The following DLC1 variants were observed in gnomAD, a reference collection of about 807,000 sequenced individuals.
The protein encoded by DLC1 is DLC1 Rho GTPase activating protein.
A neutral mutation model predicts 140.3 loss-of-function variants in DLC1; 54 were observed. That is an observed-to-expected ratio of 0.38 (90% CI 0.31 to 0.48). The LOEUF (loss-of-function observed/expected upper bound fraction) is 0.48, where lower values mean the gene tolerates loss of function less well. Among genes scored for constraint, DLC1 ranks in the 20% least tolerant of loss-of-function variants. The pLI, the probability that DLC1 is intolerant of heterozygous loss-of-function variation, is 0.96. For synonymous variants in DLC1, 986 were observed against 728.1 expected (o/e 1.35, Z -5.70); for missense variants, 2,536 against 1,907.0 (o/e 1.33, Z -6.14).
intron 2 of DLC1, among the ~76,000 whole-genome samples, chr8:13,404,371 T>C (rs1837430713): frequency 6.6e-6 from 1 of 152,124 alleles, no homozygotes; most frequent in African/African-American, 2.4e-5. Flanking sequence ...ATGTGCATAA[T>C]TGGCCCGTTC....
chr8:13,568,099 G>C (rs1260876824), intron 1 of DLC1: 2 of 839,170 alleles, frequency 2.4e-6, no homozygotes, highest in South Asian at 2.2e-5. Context: ...AGAAGGCACT[G>C]TTGTAGTTGG....
intron 5 of DLC1, among the ~76,000 whole-genome samples, chr8:13,132,205 CTGTGTGTGTGTGTGTGTGTGTG>C (rs147699066): frequency 7.2e-6 from 1 of 139,114 alleles, no homozygotes; most frequent in African/African-American, 2.8e-5. Flanking sequence ...AAAACCAAAA[CTGTGTGTGTGTGTGTGTGTGTG>C]TGTGTGTGTG....
At position 13,312,386 on chromosome 8, in the gene DLC1, A is replaced by ATAATAATAAT. The variant is rs746830060; in HGVS notation, c.1315-7085_1315-7084insATTATTATTA. ...AAAAAAAAAAAAAAAAAAAAAAAAA[A>ATAATAATAAT]AATAATTTCTTTAGCAAGCTAGATA... On this transcript the variant is annotated intron_variant, in intron 4 of 17. Transcript: ENST00000276297. Among the ~76,000 whole-genome samples, 161 of 81,702 alleles carry ATAATAATAAT rather than the reference A, an allele frequency of 2.0e-3. 11 individuals are homozygous for ATAATAATAAT. The highest frequency in any genetic ancestry group is 6.8e-3 in the African/African-American group (153 of 22,408). 53.6% of individuals were successfully genotyped at this position (81,702 alleles called of 152,430 possible). A position where few individuals can be genotyped will look rare whatever the true frequency, so the allele number is the denominator to read the frequency against.
intron 2 of DLC1, among the ~76,000 whole-genome samples, chr8:13,404,992 A>G (rs1398648053): frequency 6.6e-6 from 1 of 151,784 alleles, no homozygotes; most frequent in African/African-American, 2.4e-5. Flanking sequence ...GGGCAATGAG[A>G]GTGAAACTCC....
At chr8:13,424,610 T>C (rs1025215684) in intron 2 of DLC1, among the ~76,000 whole-genome samples, 1 of 152,134 alleles carries the variant, frequency 6.6e-6, no homozygotes, top group Non-Finnish European at 1.5e-5. Flanking sequence ...TCTGGCTCTG[T>C]CGTCCAGGCT....
At chr8:13,354,176 G>T (rs1203304246) in intron 4 of DLC1, among the ~76,000 whole-genome samples, 3 of 151,946 alleles carry the variant, frequency 2.0e-5, no homozygotes, top group African/African-American at 7.3e-5. Context: ...TAGTTGCTAA[G>T]ATCTTACATA....
intron 1 of DLC1, among the ~76,000 whole-genome samples, chr8:13,589,909 C>G (rs1295095552): frequency 6.6e-6 from 1 of 151,540 alleles, no homozygotes; most frequent in Non-Finnish European, 1.5e-5. Flanking sequence ...GGCAAAGAAA[C>G]TGCACCAAAT....
chr8:13,164,308 AT>A (rs946514063), intron 5 of DLC1, among the ~76,000 whole-genome samples: 1 of 145,536 alleles, frequency 6.9e-6, no homozygotes, highest in Non-Finnish European at 1.5e-5. Context: ...AAAAAAAAAA[AT>A]CTCTATATCT....
At chr8:13,291,193 G>T (rs537848614) in intron 5 of DLC1, among the ~76,000 whole-genome samples, 1 of 152,322 alleles carries the variant, frequency 6.6e-6, no homozygotes, top group East Asian at 1.9e-4. Flanking sequence ...ACAGGCATGA[G>T]CCACTGCGCC....
At chr8:13,239,318 T>C (rs1829443419) in intron 5 of DLC1, among the ~76,000 whole-genome samples, 1 of 152,054 alleles carries the variant, frequency 6.6e-6, no homozygotes, top group Non-Finnish European at 1.5e-5. Flanking sequence ...ACTGGGATGC[T>C]GTGTAGGTCA....
At chr8:13,573,639 A>T (rs1804742350) in intron 1 of DLC1, among the ~76,000 whole-genome samples, 2 of 152,080 alleles carry the variant, frequency 1.3e-5, no homozygotes, top group Admixed American at 6.6e-5. Flanking sequence ...TTCTTAGTTT[A>T]TTGAATGTTT....
intron 4 of DLC1, among the ~76,000 whole-genome samples, chr8:13,347,074 G>A (rs924640058): frequency 2.0e-5 from 3 of 152,142 alleles, no homozygotes; most frequent in Non-Finnish European, 4.4e-5. Flanking sequence ...TTTATCATAT[G>A]ATGTATGTAT....
chr8:13,188,492 T>C (rs1331999608), intron 5 of DLC1, among the ~76,000 whole-genome samples: 1 of 149,046 alleles, frequency 6.7e-6, no homozygotes, highest in Non-Finnish European at 1.5e-5. Flanking sequence ...TTTTGGGAGT[T>C]GAGAGGGACT....
At chr8:13,266,774 A>G (rs1306578561) in intron 5 of DLC1, among the ~76,000 whole-genome samples, 2 of 152,128 alleles carry the variant, frequency 1.3e-5, no homozygotes, top group African/African-American at 2.4e-5. Flanking sequence ...AAACAAAAAA[A>G]GAGAAAGCCC....
intron 5 of DLC1, among the ~76,000 whole-genome samples, chr8:13,133,785 C>G (rs1271771601): frequency 4.6e-5 from 7 of 151,974 alleles, no homozygotes; most frequent in Non-Finnish European, 7.4e-5. Context: ...TGGCGGGAAC[C>G]ACGTAAATTT....
chr8:13,276,070 C>T (rs1429402779), intron 5 of DLC1, among the ~76,000 whole-genome samples: 1 of 152,160 alleles, frequency 6.6e-6, no homozygotes, highest in African/African-American at 2.4e-5. Flanking sequence ...AACAAACACA[C>T]AAAAATCTCA....
At chr8:13,305,810 C>T (rs1832394504) in intron 4 of DLC1, among the ~76,000 whole-genome samples, 1 of 152,168 alleles carries the variant, frequency 6.6e-6, no homozygotes, top group Non-Finnish European at 1.5e-5. Context: ...AGACTCCAGC[C>T]TGGGCAACAC....
upstream of DLC1, among the ~76,000 whole-genome samples, chr8:13,519,235 C>G (rs1040948649): frequency 6.6e-6 from 1 of 151,460 alleles, no homozygotes; most frequent in East Asian, 2.0e-4. Context: ...TCACGCCATT[C>G]TCCTGCCTCA....
intron 4 of DLC1, among the ~76,000 whole-genome samples, chr8:13,312,344 G>C (rs1404493419): frequency 6.2e-5 from 4 of 64,738 alleles, no homozygotes; most frequent in African/African-American, 2.3e-4. Flanking sequence ...CTGGGCGACA[G>C]AGCGAGACTC....
Sources: gnomAD v4.1 joint callset for allele counts (sites outside exome capture counted in the v4.1 genomes callset) on GRCh38, gnomAD v4.1.1 for gene constraint, MANE v1.5 for transcripts, NCBI Gene and HGNC (gene_info 2026-07-23, HGNC 2026-07-21) for gene names.